Variants in AATK observed in about 807,000 individuals in gnomAD.
AATK encodes the protein serine/threonine-protein kinase LMTK1.
AATK carries 91 observed loss-of-function variants against 114.3 expected under a neutral mutation model. The observed-to-expected ratio is 0.80, with a 90% CI of 0.67 to 0.95. The LOEUF (loss-of-function observed/expected upper bound fraction) is 0.95, where lower values mean the gene tolerates loss of function less well. Among genes scored for constraint, AATK ranks in the 40% least tolerant of loss-of-function variants. The probability of loss-of-function intolerance (pLI) is 0.00; values close to 1 mark genes in which losing one functional copy is unlikely to be tolerated. For missense variants in AATK, 2,176 were observed against 1,965.2 expected (o/e 1.11, Z -2.03); for synonymous variants, 1,075 against 916.5 (o/e 1.17, Z -3.12).
At chr17:81,125,805 G>C (rs2060807280) in intron 7 of AATK, 1 of 446,870 alleles carries the variant, frequency 2.2e-6, no homozygotes, top group Non-Finnish European at 4.7e-6. Flanking sequence ...TGGGCCTAGG[G>C]GGTGGAGTGG....
rs1378620171 is a variant in AATK, at chr17:81,121,510, A to G, written c.2426T>C (p.Leu809Pro). The change falls in exon 11 of 14, where the codon CTT becomes CCT. Residue 809 changes from leucine (L) to proline (P), a missense_variant. By Grantham distance (98) the Leu-to-Pro change is moderately conservative. This residue lies in a region of AATK where 1,701 missense variants were observed against 1,394.7 expected (regional missense o/e 1.22). Transcript: ENST00000326724. The part of the protein sequence containing the change: ...VPSPSQEGAP[L>P]PSEEASAPDA... ...GGGGGCACTGGCCTCCTCCGAGGGA[A>G]GTGGGGCTCCCTCCTGGGATGGGGA... The G allele has an allele frequency of 6.5e-7, 1 of 1,548,878 alleles. No individual in the cohort carries two copies. The highest frequency in any genetic ancestry group is 8.7e-7 in the Non-Finnish European group (1 of 1,145,060).
At chr17:81,124,376 C>T (rs4969394) in intron 9 of AATK, among the ~76,000 whole-genome samples, 83,092 of 152,082 alleles carry the variant, frequency 0.55, 23,113 homozygotes, top group East Asian at 0.86. Context: ...TGGCACGGCC[C>T]GACCTACGCT....
intron 1 of AATK, among the ~76,000 whole-genome samples, chr17:81,138,333 ATGCACACC>A (rs2061055394): frequency 1.4e-5 from 2 of 147,884 alleles, no homozygotes; most frequent in Admixed American, 1.3e-4. Context: ...ATACCCACAC[ATGCACACC>A]CACACATACC....
At chr17:81,159,749 G>A (rs1291984597) in intron 1 of AATK, among the ~76,000 whole-genome samples, 1 of 151,926 alleles carries the variant, frequency 6.6e-6, no homozygotes, top group East Asian at 1.9e-4. Context: ...ATCCCACAAC[G>A]GCCTCAAGCC....
chr17:81,133,625 C>G (rs2060968555), intron 2 of AATK, among the ~76,000 whole-genome samples: 1 of 152,190 alleles, frequency 6.6e-6, no homozygotes, highest in South Asian at 2.1e-4. Context: ...CCCATGGAGA[C>G]TCTGGGAGGG....
rs1017928822 is a variant in AATK, at chr17:81,128,058, A to G, written c.415-148T>C. On this transcript the variant is annotated intron_variant, in intron 4 of 13. Coordinates refer to ENST00000326724, the MANE Select transcript of AATK (RefSeq NM_001080395.3). ...CCGTCCACTCATTGCAGCGTGAGGTATGGCTTCCGGATCCCTCCCGGCAAC... is the reference window on the plus strand; with the variant it reads ...CCGTCCACTCATTGCAGCGTGAGGTGTGGCTTCCGGATCCCTCCCGGCAAC... The G allele has an allele frequency of 1.3e-5, 13 of 978,796 alleles. No homozygotes were observed. The African/African-American group carries it at 1.6e-4, about 12-fold the overall frequency. 60.6% of individuals were successfully genotyped at this position (978,796 alleles called of 1,614,324 possible).
rs1300888706 is a variant in AATK at position 81,120,702 on chromosome 17, T to C, written c.3234A>G (p.Pro1078=). Residue 1078 remains proline, a synonymous_variant, in exon 11 of 14, where the codon CCA becomes CCG. Coordinates refer to ENST00000326724, the MANE Select transcript of AATK (RefSeq NM_001080395.3). ...CTGGGCCTTGGGGCTCCGGAGGCTC[T>C]GGGACCAGGCCCGAGGGGCAGGTGC... is the stretch of plus-strand genomic sequence containing the variant. ...EPSTCPSGLV[P]EPPEPQGPAK... The C allele has an allele frequency of 2.6e-6, 4 of 1,530,478 alleles. No homozygotes were observed. The highest frequency in any genetic ancestry group is 3.5e-6 in the Non-Finnish European group (4 of 1,138,362). The allele number at this position is 1,530,478 out of a possible 1,614,324, so 94.8% of individuals were successfully genotyped here. A position where few individuals can be genotyped will look rare whatever the true frequency, so the allele number is the denominator to read the frequency against.
At position 81,126,639 on chromosome 17, in the gene AATK, C is replaced by T; in HGVS notation, c.622-79G>A. 6.7e-7 allele frequency: 1 copy of T among 1,487,900 alleles called. No individual in the cohort carries two copies. Among genetic ancestry groups the T allele is most frequent in the Non-Finnish European group, 9.0e-7 (1 of 1,111,770 alleles). The allele number at this position is 1,487,900 out of a possible 1,614,324, so 92.2% of individuals were successfully genotyped here. A position where few individuals can be genotyped will look rare whatever the true frequency, so the allele number is the denominator to read the frequency against. ...GGGAGGTCCCCACCTACCTCCCCAA[C>T]TCCTCCACCCCTACCCACAGCTGAG... On this transcript the variant is annotated intron_variant, in intron 6 of 13. Coordinates refer to ENST00000326724, the MANE Select transcript of AATK (RefSeq NM_001080395.3). The surrounding 1 kb of genome is among the most constrained non-coding windows in gnomAD (Gnocchi z 5.1).
At position 81,120,193 on chromosome 17, in the gene AATK, C is replaced by A. The variant is rs774083842; in HGVS notation, c.3735+8G>T. 2.6e-6 allele frequency: 4 copies of A among 1,557,346 alleles called. No homozygotes were observed. Among genetic ancestry groups the A allele is most frequent in the Non-Finnish European group, 3.5e-6 (4 of 1,145,768 alleles). On this transcript the variant is annotated splice_region_variant and intron_variant, in intron 11 of 13. Coordinates refer to ENST00000326724, the MANE Select transcript of AATK (RefSeq NM_001080395.3). ...GCCCCGGGCAGACCCCGGGTGGCGG[C>A]GGCCCACCTGGTCAAAGAGGTAGAC...
chr17:81,141,930 T>TCCTTC (rs1296639664), intron 1 of AATK, among the ~76,000 whole-genome samples: 1 of 62,238 alleles, frequency 1.6e-5, no homozygotes, highest in Non-Finnish European at 3.8e-5. Flanking sequence ...CTTCCTTCCT[T>TCCTTC]CCTTCCTTCC....
intron 2 of AATK, among the ~76,000 whole-genome samples, chr17:81,133,832 G>A (rs117783203): frequency 0.015 from 2,242 of 152,242 alleles, 21 homozygotes; most frequent in Admixed American, 0.026. Context: ...AGCAGGCTGG[G>A]CTCTAGCATC....
At position 81,126,796 on chromosome 17, in the gene AATK, CG is replaced by C. The variant is rs1200143076; in HGVS notation, c.622-237del. The C allele has an allele frequency of 1.5e-5, 20 of 1,372,622 alleles. No individual in the cohort carries two copies. The Admixed American group carries it at 6.2e-4, about 42-fold the overall frequency. The allele number at this position is 1,372,622 out of a possible 1,614,324, so 85.0% of individuals were successfully genotyped here. On this transcript the variant is annotated intron_variant, in intron 6 of 13. Coordinates refer to ENST00000326724, the MANE Select transcript of AATK (RefSeq NM_001080395.3). The surrounding 1 kb of genome is among the most constrained non-coding windows in gnomAD (Gnocchi z 5.1). ...CTCTCCACTGCCCCTCAGCCAGCCCCGGGCAGCAGGAGTCCCTTGGCCTGTG... is the reference window on the plus strand; with the variant it reads ...CTCTCCACTGCCCCTCAGCCAGCCCCGGCAGCAGGAGTCCCTTGGCCTGTG...
At chr17:81,149,922 G>A (rs1295114689) in intron 1 of AATK, among the ~76,000 whole-genome samples, 1 of 152,178 alleles carries the variant, frequency 6.6e-6, no homozygotes, top group Non-Finnish European at 1.5e-5. Flanking sequence ...TGAGGAAGGT[G>A]AGCAGCTGAC....
chr17:81,124,601 G>A (rs2060769530), intron 9 of AATK, 126 bp downstream of exon 9: 1 of 1,473,178 alleles, frequency 6.8e-7, no homozygotes. Context: ...TTGGGCTGCT[G>A]GCGTGTGGCC....
intron 1 of AATK, among the ~76,000 whole-genome samples, chr17:81,149,049 G>A (rs545657522): frequency 2.5e-3 from 379 of 152,306 alleles, no homozygotes; most frequent in Non-Finnish European, 4.0e-3. Flanking sequence ...CACCCTGGCC[G>A]AGCTCTGGGT....
chr17:81,161,106 C>A (rs1286754251), intron 1 of AATK, among the ~76,000 whole-genome samples: 2 of 152,320 alleles, frequency 1.3e-5, no homozygotes, highest in Admixed American at 6.5e-5. Flanking sequence ...GCTGTGCTCA[C>A]CCCTCAGACC....
At chr17:81,130,958 C>A in intron 3 of AATK, 103 bp downstream of exon 3, 1 of 1,389,344 alleles carries the variant, frequency 7.2e-7, no homozygotes, top group Non-Finnish European at 9.6e-7. Flanking sequence ...CCCTGTGCTG[C>A]CCCCACTCCA....
chr17:81,122,626 C>A lies in AATK; in HGVS notation c.1310G>T (p.Gly437Val). 7.0e-7 allele frequency: 1 copy of A among 1,418,834 alleles called. No homozygotes were observed. The highest frequency in any genetic ancestry group is 1.4e-5 in the South Asian group (1 of 71,886). The allele number at this position is 1,418,834 out of a possible 1,614,324, so 87.9% of individuals were successfully genotyped here. The change falls in exon 11 of 14, where the codon GGC becomes GTC. Residue 437 changes from glycine to valine, a missense_variant. Physicochemically the swap from Gly to Val is moderately radical, Grantham distance 109. Coordinates refer to ENST00000326724, the MANE Select transcript of AATK (RefSeq NM_001080395.3). ...CGAGGCAGCGGCGAGCTCCACCACGCCGCCCAGCATGGGCCCCGCCGCACC... is the reference window on the plus strand; with the variant it reads ...CGAGGCAGCGGCGAGCTCCACCACGACGCCCAGCATGGGCCCCGCCGCACC... ...GPGAAGPMLG[G>V]VVELAAASSF...
chr17:81,142,669 G>A (rs1230610521), intron 1 of AATK, among the ~76,000 whole-genome samples: 1 of 152,190 alleles, frequency 6.6e-6, no homozygotes, highest in Non-Finnish European at 1.5e-5. Context: ...GGAGGTGCTT[G>A]GGGTGGAGAC....
Sources: gnomAD v4.1 joint callset for allele counts (sites outside exome capture counted in the v4.1 genomes callset) on GRCh38, gnomAD v4.1.1 for gene constraint, gnomAD v4.1.1 regional missense constraint, Gnocchi (gnomAD v3.1) non-coding constraint, MANE v1.5 for transcripts, NCBI Gene and HGNC (gene_info 2026-07-23, HGNC 2026-07-21) for gene names.